The following ANO2 variants were observed in gnomAD, a reference collection of about 807,000 sequenced individuals.
The protein encoded by ANO2 is anoctamin-2.
ANO2 carries 101 observed loss-of-function variants against 124.2 expected under a neutral mutation model. The ratio of observed to expected loss-of-function variants is 0.81; its 90% CI spans 0.69 to 0.96. The LOEUF is 0.96. ANO2 is among the 40% of genes least tolerant of loss of function. The probability of loss-of-function intolerance (pLI) is 0.00; values close to 1 mark genes in which losing one functional copy is unlikely to be tolerated. For synonymous variants in ANO2, 486 were observed against 482.5 expected (o/e 1.01, Z -0.09); for missense variants, 1,293 against 1,274.5 (o/e 1.01, Z -0.22).
intron 1 of ANO2, among the ~76,000 whole-genome samples, chr12:5,938,058 A>C (rs530500302): frequency 1.3e-5 from 2 of 152,274 alleles, no homozygotes; most frequent in African/African-American, 4.8e-5. Flanking sequence ...GGCAAACTTC[A>C]TATGCCTCAC....
At chr12:5,706,163 G>A (rs1382972329) in intron 14 of ANO2, among the ~76,000 whole-genome samples, 1 of 152,164 alleles carries the variant, frequency 6.6e-6, no homozygotes, top group Non-Finnish European at 1.5e-5. Context: ...GCAATTTCAT[G>A]CACATTACCT....
At chr12:5,737,636 C>A (rs12578500) in intron 13 of ANO2, among the ~76,000 whole-genome samples, 19,588 of 152,030 alleles carry the variant, frequency 0.13, 1,598 homozygotes, top group African/African-American at 0.23. Context: ...ACGGCATTAG[C>A]GGAGTAGGCA....
At chr12:5,759,779 G>T (rs930376524) in intron 10 of ANO2, among the ~76,000 whole-genome samples, 15 of 150,562 alleles carry the variant, frequency 1.0e-4, no homozygotes, top group Non-Finnish European at 2.2e-4. Context: ...AGTATGGAAA[G>T]AAAAAAAACT....
chr12:5,581,450 G>C lies in ANO2; in HGVS notation c.2234-2932C>G, dbSNP rs1032253206. 3.3e-5 allele frequency among the ~76,000 whole-genome samples: 5 copies of C among 152,084 alleles called. 1 individual carries two copies. The highest frequency in any genetic ancestry group is 7.4e-5 in the Non-Finnish European group (5 of 68,008). ...TACTCTGAAATCTAACTTCCTTCCA[G>C]GGTTATAGGAAAAATGGGACTCTCC... On this transcript the variant is annotated intron_variant, in intron 20 of 24. Coordinates refer to ENST00000682330, the MANE Select transcript of ANO2 (RefSeq NM_001364791.2).
At chr12:5,667,880 A>G (rs1407682029) in intron 14 of ANO2, among the ~76,000 whole-genome samples, 1 of 152,232 alleles carries the variant, frequency 6.6e-6, no homozygotes, top group Non-Finnish European at 1.5e-5. Flanking sequence ...AAAGAACATA[A>G]TAACATTCCT....
At chr12:5,940,187 C>T (rs748706352) in intron 1 of ANO2, among the ~76,000 whole-genome samples, 1 of 152,160 alleles carries the variant, frequency 6.6e-6, no homozygotes, top group Admixed American at 6.5e-5. Context: ...TCGATGTTGT[C>T]AATTTAGAGA....
At chr12:5,922,895 T>G in intron 1 of ANO2, 91 bp from the exon 2 acceptor site, 1 of 1,298,586 alleles carries the variant, frequency 7.7e-7, no homozygotes, top group South Asian at 1.8e-5. Flanking sequence ...ACACTAGCCC[T>G]GAGAAAATGG....
At chr12:5,664,889 GATC>G (rs907819359) in intron 14 of ANO2, among the ~76,000 whole-genome samples, 1 of 152,204 alleles carries the variant, frequency 6.6e-6, no homozygotes, top group African/African-American at 2.4e-5. Context: ...CACTGATTAT[GATC>G]ATCATTATTT....
At chr12:5,846,469 C>T (rs937332365) in intron 4 of ANO2, among the ~76,000 whole-genome samples, 2 of 152,160 alleles carry the variant, frequency 1.3e-5, no homozygotes, top group Non-Finnish European at 2.9e-5. Context: ...TACCAGAGAC[C>T]TAGGTCTTCA....
intron 14 of ANO2, among the ~76,000 whole-genome samples, chr12:5,684,436 A>G (rs1032929449): frequency 3.9e-5 from 6 of 152,232 alleles, no homozygotes; most frequent in African/African-American, 1.4e-4. Context: ...AAGTCAGTGC[A>G]TGGACCTCGG....
intron 1 of ANO2, among the ~76,000 whole-genome samples, chr12:5,940,626 G>A (rs773915528): frequency 1.6e-4 from 24 of 152,314 alleles, no homozygotes; most frequent in Non-Finnish European, 2.9e-4. Context: ...AATAACAACT[G>A]CTGGTGAGTT....
At chr12:5,783,991 CT>C (rs1952473511) in intron 10 of ANO2, among the ~76,000 whole-genome samples, 1 of 152,236 alleles carries the variant, frequency 6.6e-6, no homozygotes, top group African/African-American at 2.4e-5. Flanking sequence ...TTCTACATCA[CT>C]TTAGCTGAGT....
intron 1 of ANO2, among the ~76,000 whole-genome samples, chr12:5,923,089 C>T (rs1591797659): frequency 4.7e-5 from 1 of 21,268 alleles, no homozygotes; most frequent in Non-Finnish European, 3.8e-4. Flanking sequence ...CATACACACA[C>T]ACACGCACAC....
intron 7 of ANO2, 45 bp from the exon 8 acceptor site, chr12:5,807,413 T>G (rs1282111557): frequency 4.0e-6 from 6 of 1,511,384 alleles, no homozygotes; most frequent in African/African-American, 1.4e-5. Context: ...GGGGCAAGCG[T>G]TTCTCAACTT....
intron 10 of ANO2, among the ~76,000 whole-genome samples, chr12:5,792,432 C>A (rs75275314): frequency 0.086 from 13,087 of 152,188 alleles, 1,110 homozygotes; most frequent in African/African-American, 0.22. Context: ...ACAGTTCCAG[C>A]CTGGTTATGT....
At chr12:5,701,989 C>T (rs191672116) in intron 14 of ANO2, among the ~76,000 whole-genome samples, 143 of 151,820 alleles carry the variant, frequency 9.4e-4, no homozygotes, top group African/African-American at 3.3e-3. Context: ...GTTTTAATTT[C>T]CAACCGAATT....
intron 14 of ANO2, among the ~76,000 whole-genome samples, chr12:5,685,810 A>G (rs1406338067): frequency 6.6e-6 from 1 of 151,902 alleles, no homozygotes. Context: ...AAAAACACAA[A>G]AAACACAAAA....
chr12:5,855,873 T>G (rs1346045011), intron 3 of ANO2, among the ~76,000 whole-genome samples: 1 of 152,144 alleles, frequency 6.6e-6, no homozygotes, highest in Non-Finnish European at 1.5e-5. Flanking sequence ...CACAAAGACA[T>G]GTGTTTAGGC....
At chr12:5,655,141 G>GA (rs370105650) in intron 14 of ANO2, among the ~76,000 whole-genome samples, 10 of 149,946 alleles carry the variant, frequency 6.7e-5, no homozygotes, top group South Asian at 4.3e-4. Flanking sequence ...TTTTTATTGG[G>GA]AAAAAAAAAC....
Sources: gnomAD v4.1 joint callset for allele counts (sites outside exome capture counted in the v4.1 genomes callset) on GRCh38, gnomAD v4.1.1 for gene constraint, MANE v1.5 for transcripts, NCBI Gene and HGNC (gene_info 2026-07-23, HGNC 2026-07-21) for gene names.